SLC25A29: variants seen among roughly 807,000 people sequenced by gnomAD.
SLC25A29 encodes mitochondrial basic amino acids transporter.
Under a neutral mutation model 10.0 loss-of-function variants are expected in SLC25A29, and 13 were observed. That is an observed-to-expected ratio of 1.30 (90% CI 0.85 to 2.07). The LOEUF is 2.07. SLC25A29 is among the 30% of genes most tolerant of loss of function. SLC25A29 has a pLI of 0.00. For synonymous variants in SLC25A29, 244 were observed against 221.1 expected, an observed-to-expected ratio of 1.10 and a Z score of -0.92; for missense variants, 475 against 447.6, an observed-to-expected ratio of 1.06 and a Z score of -0.55.
chr14:100,302,191 T>A (rs1257823109), intron 1 of SLC25A29, among the ~76,000 whole-genome samples: 3 of 151,034 alleles, frequency 2.0e-5, no homozygotes, highest in Non-Finnish European at 4.4e-5. Flanking sequence ...AATTACAGGC[T>A]CCCGCCACCA....
Position 100,292,067 on chromosome 14 carries a change from A to C in SLC25A29, c.*216T>G. On this transcript the variant is annotated 3_prime_UTR_variant, in exon 4 of 4. Transcript: ENST00000359232. The stretch of plus-strand genomic sequence containing the variant: ...TAATCTCTGAGCTTCGTGACTCTAC[A>C]GTGTGGGCATGAGGGTCCTTATTTC... 1.7e-6 allele frequency: 1 copy of C among 590,656 alleles called. No individual in the cohort carries two copies. The highest frequency in any genetic ancestry group is 3.0e-6 in the Non-Finnish European group (1 of 336,550). The allele number at this position is 590,656 out of a possible 1,614,324, so 36.6% of individuals were successfully genotyped here. A position where few individuals can be genotyped will look rare whatever the true frequency, so the allele number is the denominator to read the frequency against.
At chr14:100,304,728 G>C (rs1307976455) in intron 1 of SLC25A29, among the ~76,000 whole-genome samples, 1 of 152,236 alleles carries the variant, frequency 6.6e-6, no homozygotes, top group African/African-American at 2.4e-5. Flanking sequence ...CGCGAGCGAC[G>C]TGCAGAGGAG....
At chr14:100,297,666 C>T (rs1034933207) in intron 2 of SLC25A29, among the ~76,000 whole-genome samples, 1 of 152,232 alleles carries the variant, frequency 6.6e-6, no homozygotes, top group Non-Finnish European at 1.5e-5. Context: ...TCTGCACGGC[C>T]TCACTCTCGG....
the SLC25A29 span, chr14:100,280,811 GA>G: frequency 1.4e-3 from 206 of 152,170 alleles, 1 homozygote; most frequent in African/African-American, 4.8e-3. Flanking sequence ...TACATTGGAG[GA>G]CTGCCCCACG....
downstream of SLC25A29, among the ~76,000 whole-genome samples, chr14:100,287,250 G>A (rs1347816182): frequency 6.6e-6 from 1 of 152,276 alleles, no homozygotes; most frequent in African/African-American, 2.4e-5. Context: ...GTCTGTGTGT[G>A]AAGCCAGTGT....
intron 3 of SLC25A29, 114 bp from the exon 4 acceptor site, chr14:100,293,146 A>G: frequency 6.9e-7 from 1 of 1,457,692 alleles, no homozygotes; most frequent in South Asian, 1.4e-5. Flanking sequence ...CTGAGGACCA[A>G]GCAGAATTTC....
At chr14:100,298,001 A>G (rs1013847349) in intron 2 of SLC25A29, 2 of 152,446 alleles carry the variant, frequency 1.3e-5, no homozygotes, top group Non-Finnish European at 2.9e-5. Context: ...CCCTTATGGT[A>G]AGTCACTGTC....
chr14:100,293,172 C>T, intron 3 of SLC25A29, 122 bp downstream of exon 3: 1 of 1,461,254 alleles, frequency 6.8e-7, no homozygotes, highest in Non-Finnish European at 9.2e-7. Flanking sequence ...AACCTAGGTC[C>T]TGACTGGCCT....
chr14:100,286,024 C>A, the SLC25A29 span, among the ~76,000 whole-genome samples: 1 of 152,138 alleles, frequency 6.6e-6, no homozygotes, highest in South Asian at 2.1e-4. Context: ...CATCACCCTG[C>A]CTGTAGGTTC....
chr14:100,302,274 G>A (rs1014527930), intron 1 of SLC25A29, among the ~76,000 whole-genome samples: 9 of 151,300 alleles, frequency 5.9e-5, no homozygotes, highest in African/African-American at 1.2e-4. Flanking sequence ...TTGAACTCCC[G>A]ACCTCAAGTG....
At chr14:100,299,387 G>A in intron 1 of SLC25A29, 1 of 998,714 alleles carries the variant, frequency 1.0e-6, no homozygotes, top group Non-Finnish European at 1.2e-6. Context: ...ACCTGTAAAG[G>A]TTTACCTCCC....
the SLC25A29 span, among the ~76,000 whole-genome samples, chr14:100,285,080 CAAG>C: frequency 3.3e-5 from 5 of 150,534 alleles, no homozygotes; most frequent in African/African-American, 7.4e-5. Flanking sequence ...GGAGAGGAGG[CAAG>C]GAGGCAGGAC....
chr14:100,285,049 G>GT, the SLC25A29 span, among the ~76,000 whole-genome samples: 1 of 149,424 alleles, frequency 6.7e-6, no homozygotes, highest in East Asian at 2.0e-4. Flanking sequence ...AAAAGCGGGG[G>GT]GGGGCGGGGT....
Position 100,292,162 on chromosome 14 carries a change from C to G in SLC25A29, c.*121G>C, listed in dbSNP as rs1336418955. The G allele has an allele frequency of 7.4e-7, 1 of 1,343,648 alleles. No homozygotes were observed. Among genetic ancestry groups the G allele is most frequent in the South Asian group, 1.3e-5 (1 of 79,648 alleles). The allele number at this position is 1,343,648 out of a possible 1,614,324, so 83.2% of individuals were successfully genotyped here. ...CCCAGCTGATCAGCAAAATTCAGCCCACGTCTGATAGACTCCACAGCTCGC... is the reference window on the plus strand; with the variant it reads ...CCCAGCTGATCAGCAAAATTCAGCCGACGTCTGATAGACTCCACAGCTCGC... On this transcript the variant is annotated 3_prime_UTR_variant, in exon 4 of 4. Transcript: ENST00000359232.
downstream of SLC25A29, among the ~76,000 whole-genome samples, chr14:100,286,324 A>G (rs941201383): frequency 1.8e-4 from 28 of 152,154 alleles, no homozygotes; most frequent in Non-Finnish European, 2.9e-5. Flanking sequence ...AACAGAGCCC[A>G]CCATGTTCCC....
chr14:100,290,960 G>A (rs575650633), downstream of SLC25A29, among the ~76,000 whole-genome samples: 5 of 152,342 alleles, frequency 3.3e-5, no homozygotes, highest in Admixed American at 6.5e-5. Context: ...TGAGAAAACA[G>A]GCTCTCAGAT....
chr14:100,299,223 T>C, intron 1 of SLC25A29: 1 of 1,163,766 alleles, frequency 8.6e-7, no homozygotes, highest in South Asian at 2.3e-5. Flanking sequence ...ATTTCTGGGA[T>C]ATCCCATTAA....
downstream of SLC25A29, among the ~76,000 whole-genome samples, chr14:100,286,679 G>A (rs1337122859): frequency 1.3e-5 from 2 of 151,036 alleles, no homozygotes; most frequent in African/African-American, 4.8e-5. Context: ...CCTGGGAAGT[G>A]GCCTCTGGAC....
rs779816148 is a variant in SLC25A29, at chr14:100,296,995, T to TG, written c.78+1846dup. On this transcript the variant is annotated intron_variant, in intron 2 of 3. Transcript: ENST00000359232. Reference sequence around the variant, plus strand: ...CTGTAATCCCAGCTACCCAGGGGGTTGGGGGGGGAACCGAGGCAGGAGAAT... The same window carrying TG: ...CTGTAATCCCAGCTACCCAGGGGGTTGGGGGGGGGAACCGAGGCAGGAGAAT... Among the ~76,000 whole-genome samples the TG allele has an allele frequency of 3.9e-4, 59 of 151,456 alleles. No homozygotes were observed. In the East Asian group the frequency reaches 5.3e-3, roughly 14 times the overall value.
Sources: gnomAD v4.1 joint callset for allele counts (sites outside exome capture counted in the v4.1 genomes callset) on GRCh38, gnomAD v4.1.1 for gene constraint, MANE v1.5 for transcripts, NCBI Gene and HGNC (gene_info 2026-07-23, HGNC 2026-07-21) for gene names.